The following DENND1C variants were observed in gnomAD, a reference collection of about 807,000 sequenced individuals.
The protein encoded by DENND1C is DENN domain containing 1C.
A neutral mutation model predicts 87.9 loss-of-function variants in DENND1C; 64 were observed. The observed-to-expected ratio is 0.73, with a 90% CI of 0.60 to 0.90. The LOEUF is 0.90. Among genes scored for constraint, DENND1C ranks in the 40% least tolerant of loss-of-function variants. DENND1C has a pLI of 0.00. For missense variants in DENND1C, 980 were observed against 1,037.0 expected (o/e 0.95, Z 0.76); for synonymous variants, 384 against 424.4 (o/e 0.90, Z 1.17).
chr19:6,474,939 C>T (rs1030313042), intron 14 of DENND1C, among the ~76,000 whole-genome samples: 18 of 151,932 alleles, frequency 1.2e-4, no homozygotes, highest in African/African-American at 3.9e-4. Context: ...CATGGTGGTG[C>T]GCACCTGCAG....
At chr19:6,473,816 G>GGGGGGGGGGGGGGAA (rs1231177042) in intron 14 of DENND1C, among the ~76,000 whole-genome samples, 7 of 131,644 alleles carry the variant, frequency 5.3e-5, no homozygotes, top group Admixed American at 8.0e-5. Context: ...GGGGGGTGGG[G>GGGGGGGGGGGGGGAA]GGAGGGAAAT....
chr19:6,468,406 G>T lies in DENND1C; in HGVS notation c.1619C>A (p.Pro540Gln), dbSNP rs1159194440. The T allele has an allele frequency of 6.2e-7, 1 of 1,613,588 alleles. No individual in the cohort carries two copies. The highest frequency in any genetic ancestry group is 1.1e-5 in the South Asian group (1 of 90,984). The change falls in exon 22 of 23, where the codon CCG (proline) becomes CAG (glutamine). Residue 540 changes from proline to glutamine, a missense_variant. Transcript: ENST00000381480. The stretch of plus-strand genomic sequence containing the variant: ...GCTGTCCAGAGCTTCTTCTGCCCAC[G>T]GGCACCCCTCATCCTCAGGGCTCAG... Reference protein sequence around the residue: ...PPLSPEDEGCPWAEEALDSSF... With the variant: ...PPLSPEDEGCQWAEEALDSSF...
chr19:6,471,636 C>T (rs2092830286), intron 15 of DENND1C, 140 bp from the exon 16 acceptor site: 3 of 696,174 alleles, frequency 4.3e-6, no homozygotes, highest in Non-Finnish European at 6.7e-6. Context: ...AAACTGGAGC[C>T]CACTTTATTT....
chr19:6,473,243 C>A (rs540362272), intron 14 of DENND1C, among the ~76,000 whole-genome samples: 28 of 152,286 alleles, frequency 1.8e-4, no homozygotes, highest in African/African-American at 6.7e-4. Context: ...CAACCTCTGC[C>A]TCCAGGGTTC....
At position 6,476,896 on chromosome 19, in the gene DENND1C, G is replaced by C. The variant is rs11880672; in HGVS notation, c.639C>G (p.Ala213=). ...NIVGLFAALL[A]ERRVLLTASK... ...TGGCGGTGAGCAGGACTCTTCTCTC[G>C]GCCAGGAGCGCCGCGAACAGCCCCA... The change falls in exon 10 of 23, where the codon GCC becomes GCG. Residue 213 remains alanine (A), a synonymous_variant. Coordinates refer to ENST00000381480, the MANE Select transcript of DENND1C (RefSeq NM_024898.4). The C allele has an allele frequency of 6.8e-6, 11 of 1,613,016 alleles. No homozygotes were observed. The highest frequency in any genetic ancestry group is 1.3e-5 in the African/African-American group (1 of 74,872).
intron 17 of DENND1C, 47 bp downstream of exon 17, chr19:6,471,218 T>C (rs572788454): frequency 1.3e-6 from 2 of 1,555,366 alleles, no homozygotes; most frequent in African/African-American, 1.4e-5. Flanking sequence ...GTGTTGGGAT[T>C]ACAGGCCTAA....
At position 6,468,414 on chromosome 19, in the gene DENND1C, C is replaced by A. The variant is rs781374544; in HGVS notation, c.1611G>T (p.Glu537Asp). ...GAGCTTCTTCTGCCCACGGGCACCC[C>A]TCATCCTCAGGGCTCAGTGGGGGTG... ...AGTPPLSPEDEGCPWAEEALD... is the reference protein window; with the variant it reads ...AGTPPLSPEDDGCPWAEEALD... The change falls in exon 22 of 23, where the codon GAG (glutamate) becomes GAT (aspartate). Residue 537 changes from glutamate (E) to aspartate (D), a missense_variant. Glu to Asp is a conservative substitution (Grantham distance 45). Transcript: ENST00000381480. The A allele has an allele frequency of 2.5e-6, 4 of 1,613,544 alleles. No individual in the cohort carries two copies. Among genetic ancestry groups the A allele is most frequent in the African/African-American group, 2.7e-5 (2 of 75,056 alleles).
chr19:6,469,639 G>A lies in DENND1C; in HGVS notation c.1364C>T (p.Ala455Val), dbSNP rs1233914026. The A allele has an allele frequency of 8.7e-6, 14 of 1,605,766 alleles. No homozygotes were observed. Among genetic ancestry groups the A allele is most frequent in the Non-Finnish European group, 1.2e-5 (14 of 1,176,172 alleles). ...CTGCACCCCCTTCAAGCCACTCTTG[G>A]CCTATAAAGGAGTGGACAGAGAATT... ...QPAVKNMYRSAKSGLKGVQSL... is the reference protein window; with the variant it reads ...QPAVKNMYRSVKSGLKGVQSL... The change falls in exon 19 of 23, where the codon GCC becomes GTC. Residue 455 changes from alanine to valine, a missense_variant and splice_region_variant. Ala to Val is a moderately conservative substitution (Grantham distance 64). Transcript: ENST00000381480.
At chr19:6,479,145 G>A (rs2092881591) in intron 4 of DENND1C, 89 bp from the exon 5 acceptor site, 9 of 1,541,126 alleles carry the variant, frequency 5.8e-6, no homozygotes, top group African/African-American at 1.4e-5. Flanking sequence ...AGGACCCTGA[G>A]TGTATGGGTC....
chr19:6,469,794 C>T, intron 18 of DENND1C, 154 bp from the exon 19 acceptor site: 1 of 707,498 alleles, frequency 1.4e-6, no homozygotes, highest in Non-Finnish European at 2.4e-6. Context: ...GAAGTCAATG[C>T]AAACTTTCAC....
chr19:6,470,222 G>T, intron 18 of DENND1C, 73 bp downstream of exon 18: 1 of 1,458,458 alleles, frequency 6.9e-7, no homozygotes, highest in Non-Finnish European at 9.4e-7. Flanking sequence ...CTCCATCCTT[G>T]GGAGGTCAAA....
intron 10 of DENND1C, 72 bp downstream of exon 10, chr19:6,476,785 A>G: frequency 6.9e-7 from 1 of 1,453,114 alleles, no homozygotes; most frequent in South Asian, 1.3e-5. Context: ...GCCAGGAATC[A>G]GCCCCCTTGT....
intron 6 of DENND1C, 50 bp downstream of exon 6, chr19:6,478,733 G>C (rs1474412935): frequency 1.9e-6 from 3 of 1,569,010 alleles, no homozygotes; most frequent in Non-Finnish European, 2.6e-6. Flanking sequence ...GGAGGTTGAG[G>C]GGGGTGGGGG....
At position 6,476,975 on chromosome 19, in the gene DENND1C, T is replaced by C; in HGVS notation, c.568-8A>G. ...CAGCTCCGTTAGGTTCCTCTGAGGA[T>C]CAGAGAGTCGCTCTGGGCGTGGACG... On this transcript the variant is annotated splice_polypyrimidine_tract_variant and splice_region_variant and intron_variant, in intron 9 of 22. Coordinates refer to ENST00000381480, the MANE Select transcript of DENND1C (RefSeq NM_024898.4). The C allele has an allele frequency of 6.2e-7, 1 of 1,613,604 alleles. No homozygotes were observed. Among genetic ancestry groups the C allele is most frequent in the South Asian group, 1.1e-5 (1 of 91,082 alleles).
Position 6,475,694 on chromosome 19 carries a change from A to C in DENND1C, c.825+12T>G. 1 of 1,600,758 alleles carries C rather than the reference A, an allele frequency of 6.2e-7. No homozygotes were observed. Among genetic ancestry groups the C allele is most frequent in the Non-Finnish European group, 8.5e-7 (1 of 1,173,298 alleles). On this transcript the variant is annotated intron_variant, in intron 12 of 22. Coordinates refer to ENST00000381480, the MANE Select transcript of DENND1C (RefSeq NM_024898.4). ...CCTCACGTCCCCGTCGTCTGGGTAGATCCACGCTCACCTCGGCGAGACTGG... is the reference window on the plus strand; with the variant it reads ...CCTCACGTCCCCGTCGTCTGGGTAGCTCCACGCTCACCTCGGCGAGACTGG...
chr19:6,472,334 C>T (rs1379011224), intron 15 of DENND1C, among the ~76,000 whole-genome samples: 1 of 152,132 alleles, frequency 6.6e-6, no homozygotes, highest in East Asian at 1.9e-4. Context: ...CCCTCAGGGA[C>T]CTAGGAGTAG....
At chr19:6,481,162 C>T (rs766735950) in intron 1 of DENND1C, among the ~76,000 whole-genome samples, 5 of 151,470 alleles carry the variant, frequency 3.3e-5, no homozygotes, top group African/African-American at 4.9e-5. Flanking sequence ...GCCCCCATAT[C>T]AAGCAGAAGA....
intron 19 of DENND1C, 183 bp downstream of exon 19, chr19:6,469,413 C>T (rs530288665): frequency 2.3e-4 from 142 of 624,770 alleles, no homozygotes; most frequent in East Asian, 1.3e-3. Flanking sequence ...CTGCAACCTC[C>T]GCCTTCTAGA....
intron 14 of DENND1C, among the ~76,000 whole-genome samples, 160 bp downstream of exon 14, chr19:6,475,114 C>T (rs2092850786): frequency 6.6e-6 from 1 of 152,158 alleles, no homozygotes; most frequent in Non-Finnish European, 1.5e-5. Flanking sequence ...CCAGGCTGGT[C>T]TTGAACTTCT....
Sources: gnomAD v4.1 joint callset for allele counts (sites outside exome capture counted in the v4.1 genomes callset) on GRCh38, gnomAD v4.1.1 for gene constraint, MANE v1.5 for transcripts, NCBI Gene and HGNC (gene_info 2026-07-23, HGNC 2026-07-21) for gene names.